Variants in CUX1 observed in about 807,000 individuals in gnomAD.
The protein encoded by CUX1 is protein CASP.
A neutral mutation model predicts 158.8 loss-of-function variants in CUX1; 31 were observed. The ratio of observed to expected loss-of-function variants is 0.20; its 90% CI spans 0.15 to 0.26. The LOEUF (loss-of-function observed/expected upper bound fraction) is 0.26, where lower values mean the gene tolerates loss of function less well. CUX1 is among the 10% of genes least tolerant of loss of function. The pLI is 1.00. For missense variants in CUX1, 1,589 were observed against 2,014.6 expected, an observed-to-expected ratio of 0.79 and a Z score of 4.04; for synonymous variants, 879 against 862.1, an observed-to-expected ratio of 1.02 and a Z score of -0.34.
At position 101,928,010 on chromosome 7, in the gene CUX1, A is replaced by C. The variant is rs1805813736; in HGVS notation, c.141+11785A>C. Among the ~76,000 whole-genome samples, 3 of 152,160 alleles carry C rather than the reference A, an allele frequency of 2.0e-5. No individual in the cohort carries two copies. The South Asian group carries it at 6.2e-4, about 32-fold the overall frequency. ...AGGCCGGCATCCCCTTTCCTTCCTG[A>C]GAGCCATGTGTCGCTTCCTTCATGT... On this transcript the variant is annotated intron_variant, in intron 2 of 23. Transcript: ENST00000292535.
intron 2 of CUX1, among the ~76,000 whole-genome samples, chr7:101,999,444 G>C (rs1816406411): frequency 6.6e-6 from 1 of 152,130 alleles, no homozygotes; most frequent in Non-Finnish European, 1.5e-5. Flanking sequence ...TTGACCATGA[G>C]CTTTGAAAGG....
At chr7:101,990,331 C>T (rs1814932357) in intron 2 of CUX1, among the ~76,000 whole-genome samples, 1 of 152,168 alleles carries the variant, frequency 6.6e-6, no homozygotes, top group African/African-American at 2.4e-5. Flanking sequence ...CACTGCATTC[C>T]AGACTGGGCA....
chr7:101,841,971 TGTA>T (rs1385249628), intron 1 of CUX1, among the ~76,000 whole-genome samples: 163 of 152,376 alleles, frequency 1.1e-3, no homozygotes, highest in African/African-American at 3.8e-3. Flanking sequence ...AATTTTGACA[TGTA>T]GTGCTTTCAT....
At chr7:101,953,853 G>A (rs1014277258) in intron 2 of CUX1, among the ~76,000 whole-genome samples, 3 of 151,724 alleles carry the variant, frequency 2.0e-5, no homozygotes, top group East Asian at 1.9e-4. Flanking sequence ...CACTTCTCAC[G>A]TTGTGATGTT....
intron 20 of CUX1, among the ~76,000 whole-genome samples, chr7:102,218,253 G>A (rs1554525600): frequency 1.3e-5 from 2 of 152,222 alleles, no homozygotes; most frequent in African/African-American, 4.8e-5. Flanking sequence ...GCTCACGGCT[G>A]TACCCCCACA....
At chr7:101,910,563 C>T (rs959494509) in intron 1 of CUX1, among the ~76,000 whole-genome samples, 5 of 152,052 alleles carry the variant, frequency 3.3e-5, no homozygotes, top group South Asian at 4.1e-4. Context: ...CAAGACTAGT[C>T]TGGCCAACAA....
chr7:102,090,705 C>T lies in CUX1; in HGVS notation c.269-6659C>T, dbSNP rs113501716. Among the ~76,000 whole-genome samples, 150 of 145,852 alleles carry T rather than the reference C, an allele frequency of 1.0e-3. 1 individual carries two copies. Among genetic ancestry groups the T allele is most frequent in the Non-Finnish European group, 1.5e-3 (100 of 66,808 alleles). ...CCCCGCCTCTTTTTTTTTTTTTTTCCTAGCTTTTCAGAAGATCCTGCATTT... is the reference window on the plus strand; with the variant it reads ...CCCCGCCTCTTTTTTTTTTTTTTTCTTAGCTTTTCAGAAGATCCTGCATTT... On this transcript the variant is annotated intron_variant, in intron 4 of 23. Transcript: ENST00000292535.
intron 3 of CUX1, among the ~76,000 whole-genome samples, chr7:102,059,450 G>A (rs76482314): frequency 2.0e-4 from 30 of 151,754 alleles, no homozygotes; most frequent in Non-Finnish European, 1.8e-4. Flanking sequence ...CCTGGCCAAC[G>A]TGGTGAAACC....
At position 102,249,178 on chromosome 7, in the gene CUX1, G is replaced by A. The variant is rs1395423385; in HGVS notation, c.*136G>A. On this transcript the variant is annotated 3_prime_UTR_variant, in exon 24 of 24. Transcript: ENST00000292535. ...CCGACCCCGGGCCGGACCTGAGCCCGCAGCCCAGACCCCCTCCACGGTCCG... is the reference window on the plus strand; with the variant it reads ...CCGACCCCGGGCCGGACCTGAGCCCACAGCCCAGACCCCCTCCACGGTCCG... The A allele has an allele frequency of 1.3e-5, 15 of 1,135,306 alleles. No individual in the cohort carries two copies. The highest frequency in any genetic ancestry group is 5.0e-5 in the African/African-American group (3 of 60,414). 70.3% of individuals were successfully genotyped at this position (1,135,306 alleles called of 1,614,324 possible).
intron 8 of CUX1, among the ~76,000 whole-genome samples, chr7:102,141,972 G>T (rs1405914576): frequency 6.6e-6 from 1 of 151,796 alleles, no homozygotes; most frequent in Non-Finnish European, 1.5e-5. Context: ...CTACCACACA[G>T]TACTTAGGGG....
chr7:102,135,209 G>C (rs1207763766), intron 8 of CUX1, among the ~76,000 whole-genome samples: 1 of 152,034 alleles, frequency 6.6e-6, no homozygotes, highest in Non-Finnish European at 1.5e-5. Context: ...AGCCTTACCA[G>C]TTACATGAAG....
At chr7:102,115,423 G>A (rs1365844149) in intron 8 of CUX1, 150 bp downstream of exon 8, 11 of 593,046 alleles carry the variant, frequency 1.9e-5, no homozygotes, top group East Asian at 3.1e-5. Flanking sequence ...TTCAATGCAC[G>A]TTCTAGCACT....
intron 2 of CUX1, among the ~76,000 whole-genome samples, chr7:101,975,770 GT>G (rs1812586955): frequency 6.6e-6 from 1 of 152,188 alleles, no homozygotes; most frequent in Non-Finnish European, 1.5e-5. Context: ...GGTATCTCCT[GT>G]GTAAATTACC....
At chr7:101,839,877 T>C (rs1795031197) in intron 1 of CUX1, among the ~76,000 whole-genome samples, 1 of 152,210 alleles carries the variant, frequency 6.6e-6, no homozygotes, top group Non-Finnish European at 1.5e-5. Context: ...TTCTCCTGGC[T>C]CAGCCTCCCC....
At chr7:102,160,942 G>T (rs424549) in intron 9 of CUX1, among the ~76,000 whole-genome samples, 78,583 of 152,120 alleles carry the variant, frequency 0.52, 22,281 homozygotes, top group African/African-American at 0.74. Context: ...GCTTTGCGTA[G>T]TTTGCCACGA....
chr7:101,825,491 A>C (rs1305128876), intron 1 of CUX1, among the ~76,000 whole-genome samples: 1 of 152,064 alleles, frequency 6.6e-6, no homozygotes, highest in African/African-American at 2.4e-5. Flanking sequence ...CGGAATCGTA[A>C]AGCTACCATC....
In CUX1 at chr7:102,253,435, T is replaced by G. The variant is rs1801736960; in HGVS notation, c.*4393T>G. On this transcript the variant is annotated 3_prime_UTR_variant, in exon 24 of 24. Transcript: ENST00000292535. ...GGGGAACAGGAGTCCCCAGGTGAGC[T>G]CTCTGACGGGCAGGTGCCTTCCCGA... is the stretch of plus-strand genomic sequence containing the variant. The G allele has an allele frequency of 4.1e-6, 4 of 985,336 alleles. No individual in the cohort carries two copies. The highest frequency in any genetic ancestry group is 3.5e-5 in the African/African-American group (2 of 57,236). 61.0% of individuals were successfully genotyped at this position (985,336 alleles called of 1,614,324 possible).
chr7:101,821,671 C>CTTTTTTTTTTTTTTTTTTTTTTTTTTTTT lies in CUX1; in HGVS notation c.30+4028_30+4029insTTTTTTTTTTTTTTTTTTTTTTTTTTTTT, dbSNP rs58793343. On this transcript the variant is annotated intron_variant, in intron 1 of 23. Transcript: ENST00000292535. ...CTTTTCTTTTCTTTTTTTCTTTTTT[C>CTTTTTTTTTTTTTTTTTTTTTTTTTTTTT]TTTTTTTTTTTTTTTTTTTTTTTTT... Among the ~76,000 whole-genome samples the CTTTTTTTTTTTTTTTTTTTTTTTTTTTTT allele has an allele frequency of 1.8e-3, 90 of 51,318 alleles. 13 individuals are homozygous for CTTTTTTTTTTTTTTTTTTTTTTTTTTTTT. Among genetic ancestry groups the CTTTTTTTTTTTTTTTTTTTTTTTTTTTTT allele is most frequent in the African/African-American group, 2.4e-3 (30 of 12,350 alleles). The allele number at this position is 51,318 out of a possible 152,430, so 33.7% of individuals were successfully genotyped here.
intron 16 of CUX1, among the ~76,000 whole-genome samples, chr7:102,199,670 G>C (rs1554519145): frequency 6.6e-6 from 1 of 152,216 alleles, no homozygotes; most frequent in African/African-American, 2.4e-5. Context: ...CGTTTATCCT[G>C]TGTGGGACCC....
Sources: gnomAD v4.1 joint callset for allele counts (sites outside exome capture counted in the v4.1 genomes callset) on GRCh38, gnomAD v4.1.1 for gene constraint, MANE v1.5 for transcripts, NCBI Gene and HGNC (gene_info 2026-07-23, HGNC 2026-07-21) for gene names.